The following ANKRD55 variants were observed in gnomAD, a reference collection of about 807,000 sequenced individuals.
ANKRD55 encodes ankyrin repeat domain 55.
In ANKRD55, 41 loss-of-function variants were observed where a neutral mutation model predicts 60.6. That is an observed-to-expected ratio of 0.68 (90% CI 0.53 to 0.88). The LOEUF (loss-of-function observed/expected upper bound fraction) is 0.88, where lower values mean the gene tolerates loss of function less well. ANKRD55 is among the 40% of genes least tolerant of loss of function. The pLI, the probability that ANKRD55 is intolerant of heterozygous loss-of-function variation, is 0.00. For missense variants in ANKRD55, 732 were observed against 767.6 expected, an observed-to-expected ratio of 0.95 and a Z score of 0.55; for synonymous variants, 264 against 290.3, an observed-to-expected ratio of 0.91 and a Z score of 0.92.
intron 3 of ANKRD55, 52 bp from the exon 4 acceptor site, chr5:56,176,334 A>G (rs1405688603): frequency 6.2e-7 from 1 of 1,610,132 alleles, no homozygotes; most frequent in Admixed American, 1.7e-5. Context: ...CATGAAACTG[A>G]TGAGCAGGCT....
At chr5:56,193,112 A>G (rs1001053098) in intron 2 of ANKRD55, 2 of 691,368 alleles carry the variant, frequency 2.9e-6, no homozygotes, top group African/African-American at 3.7e-5. Context: ...ATATGATTCT[A>G]AAGAACACAT....
chr5:56,196,131 C>A (rs1039298954), intron 2 of ANKRD55, among the ~76,000 whole-genome samples: 1 of 152,098 alleles, frequency 6.6e-6, no homozygotes, highest in African/African-American at 2.4e-5. Flanking sequence ...GTTTTTGTAA[C>A]CTTGAGCAAT....
intron 6 of ANKRD55, 61 bp from the exon 7 acceptor site, chr5:56,143,990 G>A: frequency 1.2e-6 from 2 of 1,607,422 alleles, no homozygotes; most frequent in Non-Finnish European, 1.7e-6. Flanking sequence ...GAAAACTGGA[G>A]CTCACACTTT....
At chr5:56,171,585 C>T (rs775521659) in intron 4 of ANKRD55, among the ~76,000 whole-genome samples, 7 of 152,124 alleles carry the variant, frequency 4.6e-5, no homozygotes, top group Non-Finnish European at 7.3e-5. Context: ...AAGTTTGGCT[C>T]GCATGCTAAA....
chr5:56,167,901 A>C lies in ANKRD55; in HGVS notation c.422+2793T>G, dbSNP rs139534205. On this transcript the variant is annotated intron_variant, in intron 5 of 11. Transcript: ENST00000341048. The stretch of plus-strand genomic sequence containing the variant: ...GGGTTGATTTTCAATTTATTATTGC[A>C]GTGATTTCAGAGAATGAACCTAATC... Among the ~76,000 whole-genome samples, 12 of 152,356 alleles carry C rather than the reference A, an allele frequency of 7.9e-5. No individual in the cohort carries two copies. In the East Asian group the frequency reaches 2.3e-3, roughly 29 times the overall value.
At chr5:56,112,514 A>AAAAAAAAC (rs1756760977) in intron 9 of ANKRD55, among the ~76,000 whole-genome samples, 2 of 149,726 alleles carry the variant, frequency 1.3e-5, no homozygotes, top group African/African-American at 4.9e-5. Flanking sequence ...CAAAAAAAAA[A>AAAAAAAAC]AAAAAAAACA....
intron 5 of ANKRD55, among the ~76,000 whole-genome samples, chr5:56,165,505 C>A (rs966712946): frequency 6.6e-6 from 1 of 152,188 alleles, no homozygotes; most frequent in Non-Finnish European, 1.5e-5. Context: ...CATATCATCA[C>A]GCCATCATCA....
intron 2 of ANKRD55, among the ~76,000 whole-genome samples, chr5:56,207,227 G>T (rs1452379191): frequency 6.6e-6 from 1 of 152,138 alleles, no homozygotes; most frequent in African/African-American, 2.4e-5. Context: ...TAACATCTAG[G>T]CAGGTTAGAT....
At chr5:56,118,654 TAA>T in intron 8 of ANKRD55, among the ~76,000 whole-genome samples, 1 of 148,622 alleles carries the variant, frequency 6.7e-6, no homozygotes, top group Non-Finnish European at 1.5e-5. Context: ...TAAAATAAAA[TAA>T]AATAAAATAA....
At chr5:56,118,504 G>A (rs1315551876) in intron 8 of ANKRD55, among the ~76,000 whole-genome samples, 2 of 151,928 alleles carry the variant, frequency 1.3e-5, no homozygotes, top group Admixed American at 6.6e-5. Flanking sequence ...GGGCCCTGTA[G>A]TCTCAGCTAC....
At chr5:56,212,554 G>T (rs920384152) in intron 2 of ANKRD55, among the ~76,000 whole-genome samples, 6 of 152,118 alleles carry the variant, frequency 3.9e-5, no homozygotes, top group South Asian at 4.1e-4. Context: ...TTTCTTTCAG[G>T]CACTGTCCTA....
chr5:56,138,053 G>A (rs1399034499), intron 7 of ANKRD55, among the ~76,000 whole-genome samples: 1 of 151,808 alleles, frequency 6.6e-6, no homozygotes, highest in Non-Finnish European at 1.5e-5. Flanking sequence ...TGAACAACAG[G>A]AACTCTCATT....
intron 5 of ANKRD55, 125 bp from the exon 6 acceptor site, chr5:56,160,018 C>T: frequency 1.4e-6 from 1 of 734,580 alleles, no homozygotes; most frequent in Non-Finnish European, 2.3e-6. Flanking sequence ...GATGAGGGCC[C>T]TTTCCGTTTC....
chr5:56,135,699 G>A (rs1757579649), intron 7 of ANKRD55, among the ~76,000 whole-genome samples: 2 of 151,998 alleles, frequency 1.3e-5, no homozygotes, highest in South Asian at 2.1e-4. Flanking sequence ...TATACTCAAA[G>A]TTCTAGTTAA....
intron 7 of ANKRD55, among the ~76,000 whole-genome samples, chr5:56,138,275 C>T (rs993271935): frequency 1.3e-5 from 2 of 151,802 alleles, no homozygotes; most frequent in Middle Eastern, 3.2e-3. Flanking sequence ...TTACAGGCAC[C>T]CACTACCATG....
intron 5 of ANKRD55, among the ~76,000 whole-genome samples, chr5:56,160,107 T>TCTCCC (rs1758290603): frequency 6.6e-6 from 1 of 152,116 alleles, no homozygotes; most frequent in Non-Finnish European, 1.5e-5. Context: ...ACTGTCTGCC[T>TCTCCC]CTCCCACCCT....
At chr5:56,205,601 A>C (rs1360501694) in intron 2 of ANKRD55, among the ~76,000 whole-genome samples, 3 of 152,016 alleles carry the variant, frequency 2.0e-5, no homozygotes, top group Non-Finnish European at 4.4e-5. Context: ...TTCATGATTG[A>C]TATTCTGCAT....
At chr5:56,135,282 G>C (rs879626619) in intron 7 of ANKRD55, among the ~76,000 whole-genome samples, 8,896 of 52,090 alleles carry the variant, frequency 0.17, 602 homozygotes, top group Middle Eastern at 0.24. Flanking sequence ...CTCCCTCCCT[G>C]CCTGCCTGCT....
intron 7 of ANKRD55, among the ~76,000 whole-genome samples, chr5:56,131,654 G>T (rs889879940): frequency 1.3e-5 from 2 of 151,556 alleles, no homozygotes; most frequent in African/African-American, 4.8e-5. Flanking sequence ...AAATTAGCCG[G>T]GTGTGGTGGT....
Sources: gnomAD v4.1 joint callset for allele counts (sites outside exome capture counted in the v4.1 genomes callset) on GRCh38, gnomAD v4.1.1 for gene constraint, MANE v1.5 for transcripts, NCBI Gene and HGNC (gene_info 2026-07-23, HGNC 2026-07-21) for gene names.